The following TMC7 variants were observed in gnomAD, a reference collection of about 807,000 sequenced individuals.
TMC7 encodes the protein transmembrane channel like 7, also known as transmembrane channel-like protein 7.
Under a neutral mutation model 82.9 loss-of-function variants are expected in TMC7, and 54 were observed. The observed-to-expected ratio is 0.65, with a 90% CI of 0.52 to 0.82. TMC7 has a LOEUF of 0.82. Ranked by LOEUF, TMC7 falls within the 40% of genes least tolerant of loss-of-function variation. The pLI, the probability that TMC7 is intolerant of heterozygous loss-of-function variation, is 0.00. For missense variants in TMC7, 820 were observed against 901.2 expected, an observed-to-expected ratio of 0.91 and a Z score of 1.15; for synonymous variants, 350 against 337.9, an observed-to-expected ratio of 1.04 and a Z score of -0.39.
At chr16:19,000,958 A>G in intron 1 of TMC7, among the ~76,000 whole-genome samples, 1 of 151,876 alleles carries the variant, frequency 6.6e-6, no homozygotes, top group South Asian at 2.1e-4. Flanking sequence ...AGGCAGAGTG[A>G]GTGGAAATGG....
intron 11 of TMC7, 40 bp from the exon 12 acceptor site, chr16:19,047,023 G>A: frequency 6.5e-7 from 1 of 1,544,140 alleles, no homozygotes; most frequent in Non-Finnish European, 8.8e-7. Context: ...TGTGGCCTTG[G>A]CAGACACCAG....
chr16:19,018,548 C>G (rs1022618345), intron 3 of TMC7, among the ~76,000 whole-genome samples: 7 of 152,130 alleles, frequency 4.6e-5, no homozygotes, highest in Non-Finnish European at 7.3e-5. Context: ...TCTCCAAATA[C>G]CATGACACTG....
chr16:19,041,815 A>G (rs1262570341), intron 9 of TMC7, among the ~76,000 whole-genome samples: 1 of 152,170 alleles, frequency 6.6e-6, no homozygotes, highest in Non-Finnish European at 1.5e-5. Context: ...CAAGGCCCAC[A>G]TGCTGTTTGG....
intron 1 of TMC7, among the ~76,000 whole-genome samples, chr16:18,984,969 C>A (rs2038818536): frequency 6.6e-6 from 1 of 152,078 alleles, no homozygotes; most frequent in Non-Finnish European, 1.5e-5. Flanking sequence ...TTACTGAAAC[C>A]AAGGATGTAG....
At chr16:19,024,865 G>T (rs1463055012) in intron 5 of TMC7, among the ~76,000 whole-genome samples, 1 of 152,052 alleles carries the variant, frequency 6.6e-6, no homozygotes, top group East Asian at 1.9e-4. Context: ...AATTAGCAGG[G>T]CGTGGTGGCG....
intron 3 of TMC7, 85 bp from the exon 4 acceptor site, chr16:19,021,544 G>C: frequency 1.4e-6 from 2 of 1,440,772 alleles, no homozygotes; most frequent in Non-Finnish European, 1.9e-6. Context: ...GATTCCTCCA[G>C]CTTCAGCTTT....
At chr16:19,001,682 TAAAC>T (rs2142148624) in intron 1 of TMC7, among the ~76,000 whole-genome samples, 2 of 152,190 alleles carry the variant, frequency 1.3e-5, no homozygotes, top group Non-Finnish European at 2.9e-5. Flanking sequence ...AACCTTGTCT[TAAAC>T]AAACAACACA....
intron 1 of TMC7, among the ~76,000 whole-genome samples, chr16:19,000,359 T>C (rs765122673): frequency 6.6e-6 from 1 of 151,852 alleles, no homozygotes; most frequent in Non-Finnish European, 1.5e-5. Context: ...CCCAGCTACT[T>C]GGGAGGCTGA....
chr16:19,039,729 T>A (rs1371765042), intron 8 of TMC7, among the ~76,000 whole-genome samples: 1 of 152,170 alleles, frequency 6.6e-6, no homozygotes, highest in African/African-American at 2.4e-5. Context: ...TTATACAGAA[T>A]ACATGGGTCT....
rs5816025 is a variant in TMC7, at chr16:19,063,672, TTGTGTGTGTGTGTGTG to T, written c.*1840_*1855del. ...ACTTGATGATATTCAAGTTTTCTAT[TTGTGTGTGTGTGTGTG>T]TGTGTGTGTGATGAACACAACGAAA... On this transcript the variant is annotated 3_prime_UTR_variant, in exon 16 of 16. Transcript: ENST00000304381. The T allele has an allele frequency of 6.1e-4, 91 of 149,432 alleles. No homozygotes were observed. The highest frequency in any genetic ancestry group is 1.7e-3 in the African/African-American group (69 of 40,768). The allele number at this position is 149,432 out of a possible 1,614,324, so 9.3% of individuals were successfully genotyped here.
chr16:19,051,627 T>TTG, intron 12 of TMC7, 59 bp from the exon 13 acceptor site: 1 of 1,595,948 alleles, frequency 6.3e-7, no homozygotes, highest in Non-Finnish European at 8.6e-7. Flanking sequence ...ATGCACTTAT[T>TTG]TATCTTCACA....
intron 1 of TMC7, among the ~76,000 whole-genome samples, chr16:18,986,471 G>C (rs558307894): frequency 6.6e-6 from 1 of 151,890 alleles, no homozygotes; most frequent in East Asian, 1.9e-4. Context: ...CAGGAGAATC[G>C]CTTGAACCTG....
chr16:19,026,150 G>A (rs910972075), intron 5 of TMC7, among the ~76,000 whole-genome samples: 2 of 148,084 alleles, frequency 1.4e-5, no homozygotes, highest in Non-Finnish European at 3.0e-5. Flanking sequence ...TGTTGGGTGG[G>A]TGTTCAAATG....
At chr16:19,026,320 GAA>G (rs1238784515) in intron 5 of TMC7, among the ~76,000 whole-genome samples, 1 of 151,218 alleles carries the variant, frequency 6.6e-6, no homozygotes, top group African/African-American at 2.4e-5. Flanking sequence ...ACTAAAAATA[GAA>G]AAAAATTAGC....
intron 6 of TMC7, among the ~76,000 whole-genome samples, chr16:19,032,010 C>T (rs1468759029): frequency 6.6e-6 from 1 of 152,142 alleles, no homozygotes; most frequent in Non-Finnish European, 1.5e-5. Flanking sequence ...AGCTATTTAC[C>T]CAGCAGTGAC....
At chr16:19,024,950 G>A (rs1343627519) in intron 5 of TMC7, among the ~76,000 whole-genome samples, 1 of 152,124 alleles carries the variant, frequency 6.6e-6, no homozygotes, top group African/African-American at 2.4e-5. Context: ...AGCTTGCAGT[G>A]AGCCGAGATT....
chr16:19,040,396 C>G lies in TMC7; in HGVS notation c.1287C>G (p.Ile429Met), dbSNP rs960279884. 1 of 1,613,574 alleles carries G rather than the reference C, an allele frequency of 6.2e-7. No homozygotes were observed. Among genetic ancestry groups the G allele is most frequent in the African/African-American group, 1.3e-5 (1 of 74,904 alleles). Reference protein sequence around the residue: ...FITPMIFAKIIRYEDYSPGFE... With the variant: ...FITPMIFAKIMRYEDYSPGFE... ...CCCCAATGATCTTTGCCAAGATCATCCGCTATGAGGATTATTCTCCAGGCT... is the reference window on the plus strand; with the variant it reads ...CCCCAATGATCTTTGCCAAGATCATGCGCTATGAGGATTATTCTCCAGGCT... The change falls in exon 9 of 16, where the codon ATC becomes ATG. Residue 429 changes from isoleucine to methionine, a missense_variant. By Grantham distance (10) the Ile-to-Met change is conservative. Transcript: ENST00000304381.
At chr16:19,021,914 A>T in intron 4 of TMC7, 118 bp downstream of exon 4, 1 of 1,257,346 alleles carries the variant, frequency 8.0e-7, no homozygotes, top group Non-Finnish European at 1.1e-6. Context: ...ATTAGTCAGG[A>T]TGGTCTAGGT....
chr16:19,061,042 C>G (rs892992446), intron 15 of TMC7, among the ~76,000 whole-genome samples: 2 of 147,744 alleles, frequency 1.4e-5, no homozygotes, highest in African/African-American at 5.0e-5. Flanking sequence ...CTCACTCTGT[C>G]GCCCAGGCTG....
Sources: gnomAD v4.1 joint callset for allele counts (sites outside exome capture counted in the v4.1 genomes callset) on GRCh38, gnomAD v4.1.1 for gene constraint, MANE v1.5 for transcripts, NCBI Gene and HGNC (gene_info 2026-07-23, HGNC 2026-07-21) for gene names.